Variants in AHCY observed in about 807,000 individuals in gnomAD.
The protein encoded by AHCY is S-adenosyl-L-homocysteine hydrolase.
In AHCY, 24 loss-of-function variants were observed where a neutral mutation model predicts 45.4. The observed-to-expected ratio is 0.53, with a 90% CI of 0.38 to 0.74. AHCY has a LOEUF of 0.74. Among genes scored for constraint, AHCY ranks in the 30% least tolerant of loss-of-function variants. AHCY has a pLI of 0.00. For synonymous variants in AHCY, 245 were observed against 235.1 expected, an observed-to-expected ratio of 1.04 and a Z score of -0.39; for missense variants, 449 against 594.1, an observed-to-expected ratio of 0.76 and a Z score of 2.54.
At chr20:34,281,253 CT>C (rs936679634) in intron 9 of AHCY, 88 bp from the exon 10 acceptor site, 12 of 1,573,272 alleles carry the variant, frequency 7.6e-6, no homozygotes, top group Non-Finnish European at 1.0e-5. Context: ...CAGAAGTGTT[CT>C]GTTAGGGTTT....
chr20:34,289,144 C>T (rs751210558), intron 8 of AHCY, among the ~76,000 whole-genome samples: 1 of 152,064 alleles, frequency 6.6e-6, no homozygotes, highest in Non-Finnish European at 1.5e-5. Flanking sequence ...GCTGGGATTA[C>T]AGGCACCCAC....
At chr20:34,252,728 C>G in the AHCY span, among the ~76,000 whole-genome samples, 1 of 152,088 alleles carries the variant, frequency 6.6e-6, no homozygotes, top group African/African-American at 2.4e-5. Flanking sequence ...TAAGGTCTTT[C>G]CTTTCCCACG....
the AHCY span, chr20:34,262,756 CT>C: frequency 6.5e-7 from 1 of 1,546,040 alleles, no homozygotes; most frequent in Non-Finnish European, 8.9e-7. Flanking sequence ...CCCAAGCCCC[CT>C]CTGCCCCTCT....
intron 1 of AHCY, chr20:34,301,909 A>G: frequency 1.0e-6 from 1 of 985,450 alleles, no homozygotes; most frequent in Non-Finnish European, 1.2e-6. Context: ...CTCTATGAAG[A>G]TTATTGTGTA....
chr20:34,250,771 A>T, the AHCY span, among the ~76,000 whole-genome samples: 2 of 151,848 alleles, frequency 1.3e-5, no homozygotes, highest in Non-Finnish European at 2.9e-5. Context: ...CTCTCACTAC[A>T]CCTCTGTCTC....
At chr20:34,285,746 G>A (rs941800633) in intron 8 of AHCY, 112 bp from the exon 9 acceptor site, 2 of 1,146,342 alleles carry the variant, frequency 1.7e-6, no homozygotes, top group African/African-American at 1.5e-5. Context: ...AGTCCGAACT[G>A]CTCCAAAACA....
the AHCY span, among the ~76,000 whole-genome samples, chr20:34,261,493 G>A: frequency 6.6e-6 from 1 of 152,126 alleles, no homozygotes; most frequent in Non-Finnish European, 1.5e-5. Flanking sequence ...AATTAACCAG[G>A]CATGGTAGCA....
the AHCY span, among the ~76,000 whole-genome samples, chr20:34,245,469 C>T: frequency 4.4e-3 from 662 of 151,430 alleles, 6 homozygotes; most frequent in African/African-American, 0.015. Context: ...CTCACTGCAA[C>T]CTCCGCCTCC....
At chr20:34,271,087 C>A in the AHCY span, among the ~76,000 whole-genome samples, 1 of 152,230 alleles carries the variant, frequency 6.6e-6, no homozygotes, top group South Asian at 2.1e-4. Flanking sequence ...TATCCCCCAA[C>A]CTCAGCCTCC....
upstream of AHCY, among the ~76,000 whole-genome samples, chr20:34,305,269 A>G (rs2036883448): frequency 6.6e-6 from 1 of 151,980 alleles, no homozygotes; most frequent in African/African-American, 2.4e-5. Context: ...GCTTGCAGTG[A>G]GCCGAGATCG....
the AHCY span, chr20:34,268,858 C>A: frequency 9.2e-7 from 1 of 1,081,612 alleles, no homozygotes; most frequent in Non-Finnish European, 1.3e-6. Flanking sequence ...GGGGAGCGGG[C>A]GGTGGGCGGT....
chr20:34,297,386 G>C (rs918239524), intron 1 of AHCY, among the ~76,000 whole-genome samples: 1 of 152,002 alleles, frequency 6.6e-6, no homozygotes, highest in Non-Finnish European at 1.5e-5. Context: ...CCACCTCTCA[G>C]GTCCCGGTTC....
the AHCY span, chr20:34,262,923 A>G: frequency 6.2e-7 from 1 of 1,612,494 alleles, no homozygotes; most frequent in Admixed American, 1.7e-5. Flanking sequence ...GGGAGTTCTC[A>G]TTGTTGGGGT....
chr20:34,249,684 A>AGTGT, the AHCY span, among the ~76,000 whole-genome samples: 3 of 152,028 alleles, frequency 2.0e-5, no homozygotes, highest in Non-Finnish European at 4.4e-5. Flanking sequence ...CTCAACTCTA[A>AGTGT]CACTTCCCCC....
At chr20:34,294,361 C>T (rs2036504110) in intron 2 of AHCY, among the ~76,000 whole-genome samples, 2 of 152,176 alleles carry the variant, frequency 1.3e-5, no homozygotes, top group Admixed American at 6.5e-5. Context: ...TTTAAAACCT[C>T]ACTCCAGTGC....
chr20:34,235,832 A>AAGGAAG, the AHCY span, among the ~76,000 whole-genome samples: 1 of 67,444 alleles, frequency 1.5e-5, no homozygotes, highest in African/African-American at 1.5e-4. Flanking sequence ...AAAGAAAGAA[A>AAGGAAG]GAAAGAAAGA....
chr20:34,281,727 G>A (rs931101667), intron 9 of AHCY: 65 of 184,188 alleles, frequency 3.5e-4, no homozygotes, highest in Non-Finnish European at 6.9e-5. Flanking sequence ...GGAGTGCAGT[G>A]GCACGATCTC....
At chr20:34,270,705 A>G in the AHCY span, among the ~76,000 whole-genome samples, 1 of 152,222 alleles carries the variant, frequency 6.6e-6, no homozygotes, top group African/African-American at 2.4e-5. Context: ...CATAGTGGTG[A>G]AGAAGTCCAA....
At chr20:34,263,478 T>C in the AHCY span, among the ~76,000 whole-genome samples, 1 of 151,850 alleles carries the variant, frequency 6.6e-6, no homozygotes, top group Non-Finnish European at 1.5e-5. Context: ...GGCAGGAGAA[T>C]TGCTTGTACC....
Sources: gnomAD v4.1 joint callset for allele counts (sites outside exome capture counted in the v4.1 genomes callset) on GRCh38, gnomAD v4.1.1 for gene constraint, MANE v1.5 for transcripts, NCBI Gene and HGNC (gene_info 2026-07-23, HGNC 2026-07-21) for gene names.